The following DAAM1 variants were observed in gnomAD, a reference collection of about 807,000 sequenced individuals.
DAAM1 encodes dishevelled associated activator of morphogenesis 1.
Under a neutral mutation model 130.0 loss-of-function variants are expected in DAAM1, and 52 were observed. The ratio of observed to expected loss-of-function variants is 0.40; its 90% confidence interval spans 0.32 to 0.50. The LOEUF is 0.50. DAAM1 is among the 20% of genes least tolerant of loss of function. The pLI is 0.61. For missense variants in DAAM1, 1,134 were observed against 1,303.8 expected (o/e 0.87, Z 2.01); for synonymous variants, 452 against 444.5 (o/e 1.02, Z -0.21).
intron 3 of DAAM1, among the ~76,000 whole-genome samples, chr14:59,307,494 T>C (rs1884418057): frequency 6.6e-6 from 1 of 152,224 alleles, no homozygotes; most frequent in Admixed American, 6.5e-5. Context: ...ATTTTAAACT[T>C]AGAGAATTGA....
At chr14:59,214,730 A>C (rs1302086444) in intron 1 of DAAM1, among the ~76,000 whole-genome samples, 2 of 152,060 alleles carry the variant, frequency 1.3e-5, no homozygotes, top group East Asian at 1.9e-4. Context: ...TAGATATACC[A>C]CATTTTTTTT....
intron 2 of DAAM1, among the ~76,000 whole-genome samples, chr14:59,269,389 T>G (rs1009858336): frequency 6.6e-6 from 1 of 152,224 alleles, no homozygotes; most frequent in African/African-American, 2.4e-5. Context: ...GAAAACACAT[T>G]GTGTTTCTTG....
intron 1 of DAAM1, among the ~76,000 whole-genome samples, chr14:59,216,642 A>T (rs1888589705): frequency 6.6e-6 from 1 of 151,984 alleles, no homozygotes; most frequent in Non-Finnish European, 1.5e-5. Flanking sequence ...AATAGCTTGA[A>T]CTGGGAGGCA....
chr14:59,211,619 T>C (rs761015713), intron 1 of DAAM1, among the ~76,000 whole-genome samples: 7 of 152,262 alleles, frequency 4.6e-5, no homozygotes, highest in Non-Finnish European at 7.3e-5. Flanking sequence ...GATTGGACTC[T>C]ACACAATTGA....
chr14:59,362,829 CA>C (rs1886762806), intron 22 of DAAM1: 1 of 152,050 alleles, frequency 6.6e-6, no homozygotes, highest in Non-Finnish European at 1.5e-5. Context: ...TAGTTATTAC[CA>C]AGACTCTGGA....
rs1169054311 is a variant in DAAM1 at position 59,325,953 on chromosome 14, G to GA, written c.1057-4dup. The GA allele has an allele frequency of 6.2e-7, 1 of 1,613,004 alleles. No individual in the cohort carries two copies. The highest frequency in any genetic ancestry group is 1.7e-5 in the Admixed American group (1 of 59,990). ...GTTTGATTTGATTTCTTTTTCCTGTGAAATAGGTTCACATAGACACAAAAA... is the reference window on the plus strand; with the variant it reads ...GTTTGATTTGATTTCTTTTTCCTGTGAAAATAGGTTCACATAGACACAAAAA... On this transcript the variant is annotated splice_region_variant and splice_polypyrimidine_tract_variant and intron_variant, in intron 9 of 24. Coordinates refer to ENST00000360909, the MANE Select transcript of DAAM1 (RefSeq NM_001270520.2).
At chr14:59,332,903 A>G (rs1885497140) in intron 15 of DAAM1, among the ~76,000 whole-genome samples, 1 of 152,116 alleles carries the variant, frequency 6.6e-6, no homozygotes, top group South Asian at 2.1e-4. Flanking sequence ...CTTGGGCTTT[A>G]CTGAGAGGCC....
At chr14:59,241,613 T>G (rs927454000) in intron 1 of DAAM1, among the ~76,000 whole-genome samples, 3 of 152,218 alleles carry the variant, frequency 2.0e-5, no homozygotes, top group South Asian at 4.1e-4. Flanking sequence ...TGTACTGCCA[T>G]TTTGCTCCTT....
chr14:59,304,229 C>G (rs1426071689), intron 3 of DAAM1, among the ~76,000 whole-genome samples: 1 of 152,192 alleles, frequency 6.6e-6, no homozygotes, highest in African/African-American at 2.4e-5. Context: ...GAAGCTATAT[C>G]AAAGAGGAAC....
intron 2 of DAAM1, among the ~76,000 whole-genome samples, chr14:59,274,202 G>C (rs1882850470): frequency 6.6e-6 from 1 of 152,040 alleles, no homozygotes; most frequent in South Asian, 2.1e-4. Flanking sequence ...TTGTTGGCAA[G>C]ATCCAAAAGC....
intron 1 of DAAM1, among the ~76,000 whole-genome samples, chr14:59,195,207 G>A (rs770516106): frequency 1.6e-4 from 22 of 140,484 alleles, no homozygotes; most frequent in Middle Eastern, 5.0e-3. Context: ...GCAGTGGTGC[G>A]ATCTCAGCTC....
At chr14:59,240,164 A>G (rs78132317) in intron 1 of DAAM1, among the ~76,000 whole-genome samples, 3,133 of 152,290 alleles carry the variant, frequency 0.021, 65 homozygotes, top group Non-Finnish European at 0.027. Context: ...AGAGGGGGGT[A>G]TGGCTTGAGA....
At chr14:59,240,636 G>A (rs151004602) in intron 1 of DAAM1, among the ~76,000 whole-genome samples, 2 of 152,284 alleles carry the variant, frequency 1.3e-5, no homozygotes, top group East Asian at 3.9e-4. Context: ...CTGACACATG[G>A]TGGAAAAAGC....
intron 22 of DAAM1, chr14:59,362,543 A>G (rs1250941101): frequency 2.0e-5 from 3 of 151,680 alleles, no homozygotes; most frequent in Admixed American, 2.0e-4. Context: ...AATCATGGCA[A>G]TTTCTTCCAA....
intron 3 of DAAM1, among the ~76,000 whole-genome samples, chr14:59,306,847 C>T (rs957200036): frequency 1.3e-5 from 2 of 152,106 alleles, no homozygotes; most frequent in African/African-American, 4.8e-5. Flanking sequence ...CTCAGTGATG[C>T]ACAGATAGAA....
intron 15 of DAAM1, among the ~76,000 whole-genome samples, chr14:59,339,653 T>C (rs776900834): frequency 6.6e-6 from 1 of 152,124 alleles, no homozygotes; most frequent in Non-Finnish European, 1.5e-5. Context: ...ACAATGCAGA[T>C]GGTTCTGGGG....
intron 1 of DAAM1, among the ~76,000 whole-genome samples, chr14:59,247,395 C>T (rs1387604483): frequency 6.6e-6 from 1 of 152,056 alleles, no homozygotes; most frequent in African/African-American, 2.4e-5. Context: ...ATATGCCTTC[C>T]TGGATGGATT....
intron 21 of DAAM1, among the ~76,000 whole-genome samples, chr14:59,360,049 T>C (rs892192489): frequency 5.3e-5 from 8 of 152,232 alleles, no homozygotes; most frequent in African/African-American, 1.9e-4. Context: ...TGCATCTTTT[T>C]GCAGTGAATT....
chr14:59,212,961 T>C (rs1375319998), intron 1 of DAAM1, among the ~76,000 whole-genome samples: 2 of 152,158 alleles, frequency 1.3e-5, no homozygotes, highest in Non-Finnish European at 2.9e-5. Context: ...AAAATAGGCA[T>C]GTGTATATGT....
Sources: allele counts gnomAD v4.1 joint callset (sites outside exome capture counted in the v4.1 genomes callset), GRCh38; gene constraint gnomAD v4.1.1; transcripts MANE v1.5; gene names NCBI Gene and HGNC (gene_info 2026-07-23, HGNC 2026-07-21).